Variants in GABRB1 observed in about 807,000 individuals in gnomAD.
The protein encoded by GABRB1 is gamma-aminobutyric acid receptor subunit beta-1.
GABRB1 carries 17 observed loss-of-function variants against 51.6 expected under a neutral mutation model. That is an observed-to-expected ratio of 0.33 (90% CI 0.23 to 0.49). The LOEUF is 0.49. Among genes scored for constraint, GABRB1 ranks in the 20% least tolerant of loss-of-function variants. The pLI, the probability that GABRB1 is intolerant of heterozygous loss-of-function variation, is 0.99. For missense variants in GABRB1, 410 were observed against 600.6 expected (o/e 0.68, Z 3.32); for synonymous variants, 247 against 218.9 (o/e 1.13, Z -1.14).
intron 3 of GABRB1, among the ~76,000 whole-genome samples, chr4:47,095,512 A>G (rs1371047682): frequency 6.6e-6 from 1 of 152,232 alleles, no homozygotes; most frequent in Non-Finnish European, 1.5e-5. Flanking sequence ...AGTGGCTGGA[A>G]CATGATGGCA....
intron 5 of GABRB1, among the ~76,000 whole-genome samples, chr4:47,366,626 A>G (rs990280159): frequency 3.2e-5 from 4 of 125,620 alleles, no homozygotes; most frequent in African/African-American, 1.3e-4. Context: ...ATAAGATGGG[A>G]AAATAAAAAA....
At chr4:47,090,837 CT>C (rs35797617) in intron 3 of GABRB1, among the ~76,000 whole-genome samples, 36,883 of 152,040 alleles carry the variant, frequency 0.24, 5,791 homozygotes, top group Middle Eastern at 0.41. Flanking sequence ...CCAGGGATAG[CT>C]TTTTTCTACC....
chr4:47,401,644 G>A (rs1728389356), intron 5 of GABRB1, among the ~76,000 whole-genome samples: 2 of 152,212 alleles, frequency 1.3e-5, no homozygotes, highest in South Asian at 4.1e-4. Context: ...CTGGGCTTAG[G>A]AGAGGTAACT....
chr4:47,032,737 G>T (rs1218363906), intron 3 of GABRB1: 1 of 691,134 alleles, frequency 1.4e-6, no homozygotes, highest in Non-Finnish European at 2.7e-6. Context: ...CTGTTGCGCC[G>T]TGGATCTGCT....
intron 3 of GABRB1, among the ~76,000 whole-genome samples, chr4:47,059,724 C>T (rs1461392002): frequency 6.6e-6 from 1 of 152,134 alleles, no homozygotes; most frequent in Non-Finnish European, 1.5e-5. Flanking sequence ...GAAGGCCATG[C>T]CTCCCCTCTA....
At chr4:47,040,879 A>T (rs993286300) in intron 3 of GABRB1, among the ~76,000 whole-genome samples, 2 of 152,166 alleles carry the variant, frequency 1.3e-5, no homozygotes, top group African/African-American at 4.8e-5. Context: ...AGACTCTGAC[A>T]GTATTTAGAG....
chr4:47,209,249 G>A (rs867724344), intron 4 of GABRB1, among the ~76,000 whole-genome samples: 23 of 152,088 alleles, frequency 1.5e-4, no homozygotes, highest in Middle Eastern at 3.4e-3. Flanking sequence ...GCTGACCACC[G>A]TCACTGAGCC....
chr4:47,004,217 T>A (rs144968580), intron 1 of GABRB1, among the ~76,000 whole-genome samples: 1 of 152,068 alleles, frequency 6.6e-6, no homozygotes, highest in Non-Finnish European at 1.5e-5. Context: ...TCGATCTCCT[T>A]ACCTTGTGAT....
chr4:47,142,902 G>A (rs548452267), intron 3 of GABRB1, among the ~76,000 whole-genome samples: 72 of 151,820 alleles, frequency 4.7e-4, no homozygotes, highest in African/African-American at 1.6e-3. Flanking sequence ...TGTATATTAC[G>A]AAACAAATAT....
At chr4:47,028,115 A>G (rs548465185), upstream of GABRB1, among the ~76,000 whole-genome samples, 4 of 151,902 alleles carry the variant, frequency 2.6e-5, no homozygotes, top group South Asian at 8.3e-4. Context: ...TTTGATTACT[A>G]CTGAGCTTGA....
At position 47,149,290 on chromosome 4, in the gene GABRB1, C is replaced by T. The variant is rs574127367; in HGVS notation, c.241-11959C>T. ...GAATGAAAATGTGTATTATTAACTG[C>T]ATTGTTCTGTAACATATTTTAGGCT... On this transcript the variant is annotated intron_variant, in intron 3 of 8. Transcript: ENST00000295454. 6.6e-5 allele frequency among the ~76,000 whole-genome samples: 10 copies of T among 152,076 alleles called. No individual in the cohort carries two copies. The South Asian group carries it at 1.9e-3, about 28-fold the overall frequency.
At chr4:47,138,317 A>G (rs1716765019) in intron 3 of GABRB1, among the ~76,000 whole-genome samples, 2 of 152,040 alleles carry the variant, frequency 1.3e-5, no homozygotes, top group East Asian at 3.9e-4. Context: ...TAAGATATTG[A>G]GCCAATTCAG....
chr4:47,414,515 CTT>C (rs1242603564), intron 8 of GABRB1, among the ~76,000 whole-genome samples: 5 of 152,166 alleles, frequency 3.3e-5, no homozygotes, highest in African/African-American at 9.7e-5. Context: ...AGAGGGGTGA[CTT>C]TGAATAGAAT....
chr4:47,029,309 T>C (rs1725206632), upstream of GABRB1, among the ~76,000 whole-genome samples: 1 of 152,006 alleles, frequency 6.6e-6, no homozygotes, highest in African/African-American at 2.4e-5. Context: ...TATGGAGTTT[T>C]AAAAGCCAAT....
At chr4:47,191,426 A>G (rs1400991152) in intron 4 of GABRB1, among the ~76,000 whole-genome samples, 2 of 152,184 alleles carry the variant, frequency 1.3e-5, no homozygotes, top group South Asian at 2.1e-4. Flanking sequence ...CCAAAACTCC[A>G]TAAATGAACA....
chr4:47,123,888 T>C (rs1233966843), intron 3 of GABRB1, among the ~76,000 whole-genome samples: 1 of 79,286 alleles, frequency 1.3e-5, no homozygotes, highest in Non-Finnish European at 2.5e-5. Flanking sequence ...ATATAATATA[T>C]ATAATATATA....
chr4:47,425,644 T>C, intron 8 of GABRB1, 30 bp from the exon 9 acceptor site: 4 of 1,527,918 alleles, frequency 2.6e-6, no homozygotes, highest in Non-Finnish European at 3.5e-6. Context: ...TCCTGCAACT[T>C]GTGTCCGAGC....
At chr4:47,344,788 T>C (rs1726029445) in intron 5 of GABRB1, among the ~76,000 whole-genome samples, 1 of 152,146 alleles carries the variant, frequency 6.6e-6, no homozygotes, top group Non-Finnish European at 1.5e-5. Flanking sequence ...TGTGGCACAG[T>C]CTCAGCTCAC....
intron 1 of GABRB1, among the ~76,000 whole-genome samples, chr4:47,001,356 A>C (rs566008804): frequency 2.6e-5 from 4 of 152,052 alleles, no homozygotes; most frequent in Admixed American, 1.3e-4. Context: ...GTTAGCCAGG[A>C]TGGTCTGAAT....
Sources: gnomAD v4.1 joint callset for allele counts (sites outside exome capture counted in the v4.1 genomes callset) on GRCh38, gnomAD v4.1.1 for gene constraint, MANE v1.5 for transcripts, NCBI Gene and HGNC (gene_info 2026-07-23, HGNC 2026-07-21) for gene names.